CCNY: variants seen among roughly 807,000 people sequenced by gnomAD.
CCNY encodes cyclin-Y.
A neutral mutation model predicts 42.8 loss-of-function variants in CCNY; 19 were observed. That is an observed-to-expected ratio of 0.44 (90% CI 0.31 to 0.65). The LOEUF (loss-of-function observed/expected upper bound fraction) is 0.65. Ranked by LOEUF, CCNY falls within the 30% of genes least tolerant of loss-of-function variation. The pLI is 0.07. For synonymous variants in CCNY, 165 were observed against 162.7 expected (o/e 1.01, Z -0.11); for missense variants, 370 against 437.3 (o/e 0.85, Z 1.37).
intron 1 of CCNY, among the ~76,000 whole-genome samples, chr10:35,350,507 C>G (rs1194793100): frequency 6.6e-6 from 1 of 152,046 alleles, no homozygotes; most frequent in Non-Finnish European, 1.5e-5. Context: ...GTAGCTTTGG[C>G]TTGGTTCAGG....
At chr10:35,339,732 G>A (rs1055250974) in intron 1 of CCNY, among the ~76,000 whole-genome samples, 1 of 152,100 alleles carries the variant, frequency 6.6e-6, no homozygotes, top group Non-Finnish European at 1.5e-5. Flanking sequence ...TTGTCACCAG[G>A]CACATGAAGG....
chr10:35,386,515 A>C (rs1346159138), intron 1 of CCNY, among the ~76,000 whole-genome samples: 2 of 152,206 alleles, frequency 1.3e-5, no homozygotes, highest in African/African-American at 4.8e-5. Context: ...GCAGTATCCC[A>C]TTATGTCAGT....
intron 1 of CCNY, among the ~76,000 whole-genome samples, chr10:35,357,515 C>T (rs1414894504): frequency 6.6e-6 from 1 of 152,180 alleles, no homozygotes; most frequent in Non-Finnish European, 1.5e-5. Context: ...TGTAAAATAT[C>T]CCTCAATTTG....
At position 35,300,150 on chromosome 10, in the gene CCNY, G is replaced by A. The variant is rs553882508; in HGVS notation, c.-9+49524G>A. Among the ~76,000 whole-genome samples, 17 of 152,282 alleles carry A rather than the reference G, an allele frequency of 1.1e-4. No homozygotes were observed. The South Asian group carries it at 1.2e-3, about 11-fold the overall frequency. ...GGCCTCGCAGAGTTTTACGTTGTGCGTGAGCCAAAGATGTAAGAGGGCTCC... is the reference window on the plus strand; with the variant it reads ...GGCCTCGCAGAGTTTTACGTTGTGCATGAGCCAAAGATGTAAGAGGGCTCC... On this transcript the variant is annotated intron_variant, in intron 3 of 11. Coordinates refer to the CCNY transcript ENST00000374706.
At chr10:35,281,084 C>T (rs1420686768) in intron 3 of CCNY, among the ~76,000 whole-genome samples, 1 of 152,060 alleles carries the variant, frequency 6.6e-6, no homozygotes, top group African/African-American at 2.4e-5. Context: ...ATAATGAAGA[C>T]ATCAGGTAAA....
chr10:35,257,748 G>C lies in CCNY; in HGVS notation c.-9+7122G>C, dbSNP rs943883533. Among the ~76,000 whole-genome samples, 3 of 152,026 alleles carry C rather than the reference G, an allele frequency of 2.0e-5. No homozygotes were observed. The East Asian group carries it at 5.8e-4, about 29-fold the overall frequency. ...GAGTTTATCTTACCTGGAGTTTATC[G>C]AGCTTCTTGGATGTTTATATTCATA... On this transcript the variant is annotated intron_variant, in intron 3 of 11. Coordinates refer to the CCNY transcript ENST00000374706.
intron 1 of CCNY, among the ~76,000 whole-genome samples, chr10:35,442,286 G>A (rs1258808251): frequency 6.6e-6 from 1 of 152,170 alleles, no homozygotes; most frequent in Non-Finnish European, 1.5e-5. Context: ...GGAAAATTAG[G>A]TAACCTTGAA....
intron 1 of CCNY, among the ~76,000 whole-genome samples, chr10:35,351,767 A>G (rs1836434910): frequency 1.3e-5 from 2 of 152,182 alleles, no homozygotes; most frequent in African/African-American, 4.8e-5. Flanking sequence ...CTTTTTTGGT[A>G]AAAGGGTAAC....
intron 1 of CCNY, among the ~76,000 whole-genome samples, chr10:35,382,890 C>G (rs1234672989): frequency 1.3e-5 from 2 of 152,004 alleles, no homozygotes; most frequent in Non-Finnish European, 2.9e-5. Context: ...AGGTAAAAAA[C>G]AAACAAACAA....
Position 35,290,542 on chromosome 10 carries a change from AT to A in CCNY, c.-9+39922del, listed in dbSNP as rs566394366. 5.6e-4 allele frequency among the ~76,000 whole-genome samples: 85 copies of A among 152,228 alleles called. 2 individuals carry two copies. The South Asian group carries it at 0.017, about 31-fold the overall frequency. On this transcript the variant is annotated intron_variant, in intron 3 of 11. Coordinates refer to the CCNY transcript ENST00000374706. ...GATTTATTTTTTATTGTTTTTTATA[AT>A]TTTTTGAAAAAGACAATTGAGATAA...
At chr10:35,409,267 C>T (rs1837852256) in intron 1 of CCNY, among the ~76,000 whole-genome samples, 1 of 152,222 alleles carries the variant, frequency 6.6e-6, no homozygotes, top group Admixed American at 6.5e-5. Context: ...AGTTGCAAGC[C>T]AGTGAACTTG....
rs1836044485 is a variant in CCNY at position 35,336,839 on chromosome 10, G to T, written c.-215G>T. ...CGAGGGGGAGCCGGGGCCGTCGCCCGCTCGTCGCCGCCGCCGCCGCCGCCG... is the reference window on the plus strand; with the variant it reads ...CGAGGGGGAGCCGGGGCCGTCGCCCTCTCGTCGCCGCCGCCGCCGCCGCCG... On this transcript the variant is annotated 5_prime_UTR_variant, in exon 1 of 10. Transcript: ENST00000374704. 1 of 149,396 alleles carries T rather than the reference G, an allele frequency of 6.7e-6. No individual in the cohort carries two copies. Among genetic ancestry groups the T allele is most frequent in the Non-Finnish European group, 1.5e-5 (1 of 68,410 alleles). 9.3% of individuals were successfully genotyped at this position (149,396 alleles called of 1,614,324 possible).
intron 1 of CCNY, among the ~76,000 whole-genome samples, chr10:35,465,338 G>T (rs1472343063): frequency 6.6e-6 from 1 of 151,604 alleles, no homozygotes; most frequent in Non-Finnish European, 1.5e-5. Context: ...CAGCATTGTT[G>T]CTCTGATCGT....
intron 1 of CCNY, among the ~76,000 whole-genome samples, chr10:35,355,640 T>C (rs1190324589): frequency 2.5e-5 from 3 of 118,330 alleles, no homozygotes; most frequent in African/African-American, 3.3e-5. Context: ...ATTGCGCCAT[T>C]GCACTCCAGC....
intron 1 of CCNY, among the ~76,000 whole-genome samples, chr10:35,350,220 A>C (rs1836397910): frequency 6.6e-6 from 1 of 152,132 alleles, no homozygotes; most frequent in Non-Finnish European, 1.5e-5. Context: ...TAATTTCTTT[A>C]ACTCAGATTC....
chr10:35,368,321 A>G (rs552717923), intron 1 of CCNY, among the ~76,000 whole-genome samples: 3 of 152,304 alleles, frequency 2.0e-5, no homozygotes, highest in African/African-American at 7.2e-5. Context: ...CATTTGCAGA[A>G]ACTGCTTTGC....
At chr10:35,387,255 C>G (rs2135203447) in intron 1 of CCNY, among the ~76,000 whole-genome samples, 1 of 152,242 alleles carries the variant, frequency 6.6e-6, no homozygotes, top group South Asian at 2.1e-4. Flanking sequence ...GTGAGATAGT[C>G]CTTTTCCTCC....
At chr10:35,400,561 C>T (rs187223169) in intron 1 of CCNY, among the ~76,000 whole-genome samples, 54 of 152,136 alleles carry the variant, frequency 3.5e-4, no homozygotes, top group African/African-American at 1.0e-3. Flanking sequence ...TAATTTTTTC[C>T]GACCAACCTC....
In CCNY at chr10:35,267,828, T is replaced by C. The variant is rs570135352; in HGVS notation, c.-9+17202T>C. ...GGAATAAAGTCACTGATTTACTAAG[T>C]TGAAAAAACTGATGGGTTAACCCAT... On this transcript the variant is annotated intron_variant, in intron 3 of 11. Transcript: ENST00000374706. Among the ~76,000 whole-genome samples the C allele has an allele frequency of 9.2e-5, 14 of 152,336 alleles. No individual in the cohort carries two copies. The East Asian group carries it at 2.3e-3, about 25-fold the overall frequency.
Sources: allele counts gnomAD v4.1 joint callset (sites outside exome capture counted in the v4.1 genomes callset), GRCh38; gene constraint gnomAD v4.1.1; transcripts MANE v1.5; gene names NCBI Gene and HGNC (gene_info 2026-07-23, HGNC 2026-07-21).